The following SUGCT variants were observed in gnomAD, a reference collection of about 807,000 sequenced individuals.
The protein encoded by SUGCT is succinyl-CoA:glutarate-CoA transferase, also known as succinyl-CoA:glutarate CoA-transferase.
SUGCT carries 41 observed loss-of-function variants against 55.0 expected under a neutral mutation model. That is an observed-to-expected ratio of 0.74 (90% CI 0.58 to 0.97). The LOEUF (loss-of-function observed/expected upper bound fraction) is 0.97. SUGCT is among the 50% of genes least tolerant of loss of function. The pLI, the probability that SUGCT is intolerant of heterozygous loss-of-function variation, is 0.00. For missense variants in SUGCT, 568 were observed against 547.8 expected (o/e 1.04, Z -0.37); for synonymous variants, 187 against 200.4 (o/e 0.93, Z 0.56).
At chr7:41,003,031 G>A in the SUGCT span, among the ~76,000 whole-genome samples, 78 of 152,126 alleles carry the variant, frequency 5.1e-4, no homozygotes, top group Non-Finnish European at 9.3e-4. Flanking sequence ...GCAATAATTA[G>A]GAAATGATAT....
the SUGCT span, among the ~76,000 whole-genome samples, chr7:41,035,186 G>A: frequency 6.6e-6 from 1 of 152,334 alleles, no homozygotes; most frequent in South Asian, 2.1e-4. Context: ...TATTCGTATC[G>A]CTGAGAAAAG....
intron 12 of SUGCT, among the ~76,000 whole-genome samples, chr7:40,742,650 C>T (rs887972726): frequency 6.6e-6 from 1 of 150,780 alleles, no homozygotes; most frequent in Non-Finnish European, 1.5e-5. Flanking sequence ...GGTTTGTGGA[C>T]CCCCATACCA....
intron 9 of SUGCT, among the ~76,000 whole-genome samples, chr7:40,372,093 T>A (rs188604364): frequency 6.6e-6 from 1 of 151,556 alleles, no homozygotes; most frequent in East Asian, 2.0e-4. Context: ...ATGGTTTTAC[T>A]GGTTTGAGGT....
At chr7:40,615,925 G>T (rs1798982360) in intron 12 of SUGCT, among the ~76,000 whole-genome samples, 1 of 152,182 alleles carries the variant, frequency 6.6e-6, no homozygotes. Flanking sequence ...CATTTTGAAA[G>T]ACACCTATAC....
At chr7:40,432,164 C>T (rs533512225) in intron 9 of SUGCT, among the ~76,000 whole-genome samples, 1 of 152,176 alleles carries the variant, frequency 6.6e-6, no homozygotes, top group East Asian at 1.9e-4. Context: ...ATGGGTTTTT[C>T]AAAAGTGAAG....
chr7:40,557,985 A>G lies in SUGCT; in HGVS notation c.1089+61599A>G, dbSNP rs557299273. ...TTTTTCCAAAGAAGATAAACAGATG[A>G]AAACAGATCAATAAGCAGATGAAAA... On this transcript the variant is annotated intron_variant, in intron 12 of 13. Transcript: ENST00000335693. Among the ~76,000 whole-genome samples, 18 of 152,192 alleles carry G rather than the reference A, an allele frequency of 1.2e-4. No individual in the cohort carries two copies. The East Asian group carries it at 2.9e-3, about 25-fold the overall frequency.
At chr7:40,744,514 A>ATT (rs72015705) in intron 12 of SUGCT, among the ~76,000 whole-genome samples, 2,037 of 150,808 alleles carry the variant, frequency 0.014, 142 homozygotes, top group East Asian at 0.092. Context: ...AAGCTTTTCC[A>ATT]TTTTTTTTTG....
intron 12 of SUGCT, among the ~76,000 whole-genome samples, chr7:40,511,384 G>A (rs1792921413): frequency 3.9e-5 from 6 of 152,108 alleles, no homozygotes; most frequent in Admixed American, 3.9e-4. Context: ...GTTTCAGACT[G>A]GAGAAGGCTG....
At chr7:40,486,832 C>A (rs1454228754) in intron 11 of SUGCT, among the ~76,000 whole-genome samples, 4 of 150,596 alleles carry the variant, frequency 2.7e-5, no homozygotes, top group African/African-American at 9.8e-5. Flanking sequence ...CTAAAGCGCT[C>A]CTCCTGCCCC....
intron 9 of SUGCT, among the ~76,000 whole-genome samples, chr7:40,336,948 G>T (rs1796747384): frequency 6.6e-6 from 1 of 152,128 alleles, no homozygotes; most frequent in Non-Finnish European, 1.5e-5. Context: ...GGTATGTTGT[G>T]TCTTTGTTCT....
At chr7:40,181,709 G>A (rs1232187294) in intron 2 of SUGCT, among the ~76,000 whole-genome samples, 1 of 150,150 alleles carries the variant, frequency 6.7e-6, no homozygotes, top group Non-Finnish European at 1.5e-5. Context: ...TAGTGCCACT[G>A]CACTCCAGCC....
the SUGCT span, among the ~76,000 whole-genome samples, chr7:40,995,875 C>A: frequency 6.6e-6 from 1 of 152,238 alleles, no homozygotes; most frequent in East Asian, 1.9e-4. Context: ...GGGTATATTT[C>A]TCTCCAGGTC....
At chr7:40,225,555 C>T (rs981195521) in intron 6 of SUGCT, among the ~76,000 whole-genome samples, 1 of 151,602 alleles carries the variant, frequency 6.6e-6, no homozygotes, top group East Asian at 1.9e-4. Context: ...TCCTGCCTCA[C>T]CCTCCAAGTA....
intron 12 of SUGCT, among the ~76,000 whole-genome samples, chr7:40,574,098 G>A (rs139743035): frequency 1.2e-3 from 179 of 152,072 alleles, no homozygotes; most frequent in Middle Eastern, 6.8e-3. Flanking sequence ...GACGAATTCC[G>A]CTTATAACCA....
At chr7:40,422,854 A>G (rs767947380) in intron 9 of SUGCT, among the ~76,000 whole-genome samples, 4 of 151,520 alleles carry the variant, frequency 2.6e-5, no homozygotes, top group Non-Finnish European at 5.9e-5. Context: ...CCTAAAACAT[A>G]TAATCACTAA....
chr7:40,230,348 TG>T (rs1788648186), intron 6 of SUGCT, among the ~76,000 whole-genome samples: 1 of 152,044 alleles, frequency 6.6e-6, no homozygotes, highest in Admixed American at 6.6e-5. Flanking sequence ...AGGTAGTGAG[TG>T]GGGGCTAGGT....
intron 7 of SUGCT, among the ~76,000 whole-genome samples, chr7:40,239,469 C>T (rs545192412): frequency 6.6e-6 from 1 of 152,172 alleles, no homozygotes; most frequent in African/African-American, 2.4e-5. Flanking sequence ...TCCATAGGCT[C>T]TCATGTGGCC....
At chr7:40,266,446 G>C (rs906673438) in intron 7 of SUGCT, among the ~76,000 whole-genome samples, 1 of 151,846 alleles carries the variant, frequency 6.6e-6, no homozygotes, top group East Asian at 1.9e-4. Flanking sequence ...ACTGCGCCTG[G>C]CCTGAAATAG....
At chr7:40,224,429 T>TGTGTGTGC (rs923173536) in intron 6 of SUGCT, among the ~76,000 whole-genome samples, 1 of 140,366 alleles carries the variant, frequency 7.1e-6, no homozygotes, top group Non-Finnish European at 1.5e-5. Context: ...TGTGTGTGTG[T>TGTGTGTGC]GCATGCATGT....
Sources: gnomAD v4.1 joint callset for allele counts (sites outside exome capture counted in the v4.1 genomes callset) on GRCh38, gnomAD v4.1.1 for gene constraint, MANE v1.5 for transcripts, NCBI Gene and HGNC (gene_info 2026-07-23, HGNC 2026-07-21) for gene names.